Variants in BBS9 observed in about 807,000 individuals in gnomAD.
The protein encoded by BBS9 is Bardet-Biedl syndrome 9.
BBS9 carries 89 observed loss-of-function variants against 117.7 expected under a neutral mutation model. That is an observed-to-expected ratio of 0.76 (90% CI 0.64 to 0.90). The LOEUF (loss-of-function observed/expected upper bound fraction) is 0.90. BBS9 is among the 40% of genes least tolerant of loss of function. BBS9 has a pLI of 0.00. For synonymous variants in BBS9, 379 were observed against 370.9 expected, an observed-to-expected ratio of 1.02 and a Z score of -0.25; for missense variants, 982 against 1,042.2, an observed-to-expected ratio of 0.94 and a Z score of 0.80.
chr7:33,455,282 T>C (rs1838473883), intron 19 of BBS9, among the ~76,000 whole-genome samples: 2 of 152,106 alleles, frequency 1.3e-5, no homozygotes, highest in Admixed American at 1.3e-4. Flanking sequence ...AGGGAACACG[T>C]AAGACACAAA....
chr7:33,265,123 GA>G (rs1302302998), intron 7 of BBS9, among the ~76,000 whole-genome samples: 1 of 152,074 alleles, frequency 6.6e-6, no homozygotes, highest in Non-Finnish European at 1.5e-5. Flanking sequence ...AAAATAGAAG[GA>G]ACTAAAATTA....
intron 21 of BBS9, among the ~76,000 whole-genome samples, chr7:33,615,067 A>G (rs929929071): frequency 6.6e-6 from 1 of 151,954 alleles, no homozygotes; most frequent in Non-Finnish European, 1.5e-5. Context: ...AGCTGACTGC[A>G]ACACTGAGAC....
rs143505945 is a variant in BBS9, at chr7:33,249,226, G to GACACACACACAC, written c.443-7995_443-7984dup. Reference sequence around the variant, plus strand: ...GGTAGAAAGAACTTCTGGGCATGGGGACACACACACACACACACACACACA... The same window carrying GACACACACACAC: ...GGTAGAAAGAACTTCTGGGCATGGGGACACACACACACACACACACACACACACACACACACA... On this transcript the variant is annotated intron_variant, in intron 5 of 22. Coordinates refer to ENST00000242067, the MANE Select transcript of BBS9 (RefSeq NM_198428.3). 8.7e-3 allele frequency among the ~76,000 whole-genome samples: 1,284 copies of GACACACACACAC among 148,404 alleles called. 22 individuals are homozygous for GACACACACACAC. The highest frequency in any genetic ancestry group is 0.03 in the African/African-American group (1,225 of 40,314).
chr7:33,437,732 C>T (rs995335879), intron 19 of BBS9, among the ~76,000 whole-genome samples: 14 of 152,070 alleles, frequency 9.2e-5, no homozygotes, highest in Admixed American at 5.2e-4. Context: ...AAAAATTAGC[C>T]GGACACTGTG....
chr7:33,550,053 CA>C (rs1854124184), intron 21 of BBS9, among the ~76,000 whole-genome samples: 1 of 90,312 alleles, frequency 1.1e-5, no homozygotes, highest in Non-Finnish European at 2.1e-5. Context: ...ATTCATATAA[CA>C]ATTTTTTTTT....
intron 5 of BBS9, among the ~76,000 whole-genome samples, chr7:33,238,597 G>GTTT (rs1160201017): frequency 6.6e-6 from 1 of 151,984 alleles, no homozygotes; most frequent in Non-Finnish European, 1.5e-5. Context: ...ACCGACCCTT[G>GTTT]TTTTTATTTT....
chr7:33,478,875 G>GTTTTTTTTTTTT (rs10716942), intron 19 of BBS9, among the ~76,000 whole-genome samples: 1 of 130,168 alleles, frequency 7.7e-6, no homozygotes, highest in Non-Finnish European at 1.6e-5. Flanking sequence ...ATGTTAGTGG[G>GTTTTTTTTTTTT]TTTTTTTTTT....
intron 19 of BBS9, among the ~76,000 whole-genome samples, chr7:33,494,565 T>G (rs1042799035): frequency 6.6e-6 from 1 of 152,174 alleles, no homozygotes; most frequent in Non-Finnish European, 1.5e-5. Context: ...GCAAAAACTT[T>G]TCAAAAATGG....
intron 4 of BBS9, among the ~76,000 whole-genome samples, chr7:33,168,244 A>C (rs956882301): frequency 6.6e-6 from 1 of 152,196 alleles, no homozygotes; most frequent in African/African-American, 2.4e-5. Flanking sequence ...TCAAATTGTC[A>C]AGGTTTTATA....
intron 4 of BBS9, among the ~76,000 whole-genome samples, chr7:33,156,464 A>G (rs1411828569): frequency 6.6e-6 from 1 of 152,016 alleles, no homozygotes; most frequent in Non-Finnish European, 1.5e-5. Context: ...TGTAAATGTT[A>G]CCTTCTAGGA....
chr7:33,294,935 T>C (rs1002435653), intron 9 of BBS9, among the ~76,000 whole-genome samples: 1 of 152,202 alleles, frequency 6.6e-6, no homozygotes, highest in East Asian at 1.9e-4. Context: ...CTTTCCTAAG[T>C]AAACTTGCTC....
intron 5 of BBS9, among the ~76,000 whole-genome samples, chr7:33,230,859 T>C (rs1244504974): frequency 6.6e-6 from 1 of 152,188 alleles, no homozygotes; most frequent in Non-Finnish European, 1.5e-5. Flanking sequence ...TTTACAACTG[T>C]GAATTGTGCT....
At chr7:33,520,362 A>G (rs60187388) in intron 20 of BBS9, among the ~76,000 whole-genome samples, 28,677 of 152,094 alleles carry the variant, frequency 0.19, 3,824 homozygotes, top group East Asian at 0.46. Flanking sequence ...TGCTGCTGTT[A>G]TTCAAGTGAA....
intron 1 of BBS9, among the ~76,000 whole-genome samples, chr7:33,145,709 A>G (rs1376360165): frequency 6.6e-6 from 1 of 152,186 alleles, no homozygotes; most frequent in Non-Finnish European, 1.5e-5. Flanking sequence ...AACCAACTGC[A>G]GATTGAAACC....
chr7:33,226,299 A>G (rs1375016693), intron 5 of BBS9, among the ~76,000 whole-genome samples: 1 of 152,108 alleles, frequency 6.6e-6, no homozygotes, highest in Non-Finnish European at 1.5e-5. Context: ...TGATCATTAG[A>G]TGATAATCTG....
In BBS9 at chr7:33,357,837, ATC is replaced by A; in HGVS notation, c.1553-12_1553-11del. 1 of 1,607,780 alleles carries A rather than the reference ATC, an allele frequency of 6.2e-7. No individual in the cohort carries two copies. The highest frequency in any genetic ancestry group is 8.5e-7 in the Non-Finnish European group (1 of 1,174,832). Reference sequence around the variant, plus strand: ...ATTTGTCAAGTCTATGAATCTACATATCTCTCTTTTATTTTAGGCATTCCGCG... The same window carrying A: ...ATTTGTCAAGTCTATGAATCTACATATCTCTTTTATTTTAGGCATTCCGCG... On this transcript the variant is annotated splice_polypyrimidine_tract_variant and intron_variant, in intron 15 of 22. Transcript: ENST00000242067.
At chr7:33,224,543 A>G (rs1790877051) in intron 5 of BBS9, among the ~76,000 whole-genome samples, 1 of 152,208 alleles carries the variant, frequency 6.6e-6, no homozygotes, top group African/African-American at 2.4e-5. Context: ...TTCTGGCTTA[A>G]AAAATATGTT....
At chr7:33,306,556 T>G (rs192879510) in intron 9 of BBS9, among the ~76,000 whole-genome samples, 22 of 152,146 alleles carry the variant, frequency 1.4e-4, no homozygotes, top group African/African-American at 5.3e-4. Context: ...TCTGAAAAAG[T>G]GTTTGTATTA....
intron 9 of BBS9, among the ~76,000 whole-genome samples, chr7:33,303,456 T>C (rs1360994790): frequency 6.6e-6 from 1 of 152,022 alleles, no homozygotes; most frequent in Non-Finnish European, 1.5e-5. Context: ...TTTTTGAGGA[T>C]TTTTGTCATG....
Sources: gnomAD v4.1 joint callset for allele counts (sites outside exome capture counted in the v4.1 genomes callset) on GRCh38, gnomAD v4.1.1 for gene constraint, MANE v1.5 for transcripts, NCBI Gene and HGNC (gene_info 2026-07-23, HGNC 2026-07-21) for gene names.